The following FBXW11 variants were observed in gnomAD, a reference collection of about 807,000 sequenced individuals.
The protein encoded by FBXW11 is F-box/WD repeat-containing protein 11.
Under a neutral mutation model 77.6 loss-of-function variants are expected in FBXW11, and 19 were observed. The observed-to-expected ratio is 0.24, with a 90% confidence interval of 0.17 to 0.36. The LOEUF (loss-of-function observed/expected upper bound fraction) is 0.36, where lower values mean the gene tolerates loss of function less well. FBXW11 is among the 10% of genes least tolerant of loss of function. The pLI, the probability that FBXW11 is intolerant of heterozygous loss-of-function variation, is 1.00. For missense variants in FBXW11, 334 were observed against 704.2 expected (o/e 0.47, Z 5.95); for synonymous variants, 235 against 249.4 (o/e 0.94, Z 0.54).
chr5:171,866,241 G>A (rs1411534902), intron 13 of FBXW11, among the ~76,000 whole-genome samples: 1 of 151,652 alleles, frequency 6.6e-6, no homozygotes, highest in East Asian at 1.9e-4. Flanking sequence ...CTCCAGCCTG[G>A]GTGACAGAGC....
At position 171,881,414 on chromosome 5, in the gene FBXW11, T is replaced by C. The variant is rs369719584; in HGVS notation, c.853-3285A>G. 3.7e-4 allele frequency among the ~76,000 whole-genome samples: 56 copies of C among 152,370 alleles called. No homozygotes were observed. The East Asian group carries it at 7.1e-3, about 19-fold the overall frequency. On this transcript the variant is annotated intron_variant, in intron 7 of 13. Transcript: ENST00000517395. Reference sequence around the variant, plus strand: ...ATTCATAGTTTACTAAGGGTTTTTATCACGAAAGAGTGTTCAATTTTCTCA... The same window carrying C: ...ATTCATAGTTTACTAAGGGTTTTTACCACGAAAGAGTGTTCAATTTTCTCA...
rs1486719069 is a variant in FBXW11 at position 171,863,555 on chromosome 5, A to G, written c.*572T>C. 1.3e-5 allele frequency: 2 copies of G among 152,632 alleles called. No individual in the cohort carries two copies. The highest frequency in any genetic ancestry group is 2.4e-5 in the African/African-American group (1 of 41,446). 9.5% of individuals were successfully genotyped at this position (152,632 alleles called of 1,614,324 possible). Reference sequence around the variant, plus strand: ...GTACAGAAAGGAAGTATAATCCCAAAAATATTACTAAAACAATCCAGAGAA... The same window carrying G: ...GTACAGAAAGGAAGTATAATCCCAAGAATATTACTAAAACAATCCAGAGAA... On this transcript the variant is annotated 3_prime_UTR_variant, in exon 14 of 14. Coordinates refer to ENST00000517395, the MANE Select transcript of FBXW11 (RefSeq NM_001378974.1).
intron 2 of FBXW11, among the ~76,000 whole-genome samples, chr5:171,952,426 T>C (rs113252873): frequency 3.4e-4 from 5 of 14,704 alleles, no homozygotes; most frequent in African/African-American, 7.9e-4. Flanking sequence ...TACATACATA[T>C]ATATATATAT....
At chr5:171,983,785 C>T (rs2113508574) in intron 1 of FBXW11, among the ~76,000 whole-genome samples, 1 of 152,202 alleles carries the variant, frequency 6.6e-6, no homozygotes, top group East Asian at 1.9e-4. Flanking sequence ...ACCCCCATTA[C>T]CCAGTAATTC....
At chr5:171,936,109 T>TAAAAAA (rs61349170) in intron 2 of FBXW11, among the ~76,000 whole-genome samples, 6 of 59,342 alleles carry the variant, frequency 1.0e-4, no homozygotes, top group Admixed American at 2.1e-4. Context: ...AGACTCCATC[T>TAAAAAA]AAAAAAAAAA....
intron 13 of FBXW11, among the ~76,000 whole-genome samples, chr5:171,865,979 T>C (rs1342262788): frequency 6.6e-6 from 1 of 152,144 alleles, no homozygotes; most frequent in Non-Finnish European, 1.5e-5. Context: ...TGAAAAGCAT[T>C]TGGGGCCGCA....
chr5:171,988,921 A>G (rs1581083513), intron 1 of FBXW11, among the ~76,000 whole-genome samples: 1 of 152,226 alleles, frequency 6.6e-6, no homozygotes, highest in South Asian at 2.1e-4. Flanking sequence ...TCACGCCTGT[A>G]ATCCCAGCAC....
chr5:171,900,767 G>A (rs1453321079), intron 4 of FBXW11, among the ~76,000 whole-genome samples: 2 of 152,030 alleles, frequency 1.3e-5, no homozygotes, highest in Admixed American at 1.3e-4. Context: ...TAAACAGATG[G>A]GACAATCCTC....
intron 1 of FBXW11, among the ~76,000 whole-genome samples, chr5:172,003,964 G>A (rs997192102): frequency 1.3e-5 from 2 of 152,186 alleles, no homozygotes; most frequent in Non-Finnish European, 2.9e-5. Flanking sequence ...AAATATTTGA[G>A]TACTGAAGCT....
chr5:171,891,188 C>G (rs765466250), intron 7 of FBXW11, among the ~76,000 whole-genome samples: 22 of 152,092 alleles, frequency 1.4e-4, no homozygotes, highest in Admixed American at 1.3e-4. Flanking sequence ...GCAAAGTAAT[C>G]AAGAGCCCTG....
At chr5:171,899,223 C>T in intron 5 of FBXW11, 129 bp from the exon 6 acceptor site, 2 of 597,728 alleles carry the variant, frequency 3.3e-6, no homozygotes, top group Admixed American at 7.2e-5. Flanking sequence ...AGTTCAAAAG[C>T]AGGATTTCTG....
chr5:171,864,981 C>T (rs1382511281), intron 13 of FBXW11, among the ~76,000 whole-genome samples: 1 of 144,092 alleles, frequency 6.9e-6, no homozygotes, highest in Non-Finnish European at 1.5e-5. Context: ...AAAAAAAAAG[C>T]AAGAGAGACT....
intron 2 of FBXW11, among the ~76,000 whole-genome samples, chr5:171,917,131 G>A (rs1381106858): frequency 6.6e-6 from 1 of 152,176 alleles, no homozygotes; most frequent in African/African-American, 2.4e-5. Context: ...ATGTTGGCCA[G>A]GATGGTCTCG....
rs181295736 is a variant in FBXW11, at chr5:171,904,766, T to C, written c.437-4666A>G. Among the ~76,000 whole-genome samples the C allele has an allele frequency of 7.4e-4, 112 of 152,146 alleles. 1 individual carries two copies. Among genetic ancestry groups the C allele is most frequent in the African/African-American group, 2.4e-3 (100 of 41,496 alleles). On this transcript the variant is annotated intron_variant, in intron 4 of 13. Coordinates refer to ENST00000517395, the MANE Select transcript of FBXW11 (RefSeq NM_001378974.1). The surrounding 1 kb of genome is among the most constrained non-coding windows in gnomAD (Gnocchi z 4.0). ...TTTGTATTTTTAGTACAGATGGGGT[T>C]TCACCATGTTGGCCAGGATGGTCTT...
chr5:171,925,991 C>T (rs954730320), intron 2 of FBXW11, among the ~76,000 whole-genome samples: 13 of 152,150 alleles, frequency 8.5e-5, no homozygotes. Flanking sequence ...TCTGTACAAT[C>T]TCATCTTTAC....
chr5:171,935,396 A>G (rs183858034), intron 2 of FBXW11, among the ~76,000 whole-genome samples: 4 of 152,290 alleles, frequency 2.6e-5, no homozygotes, highest in African/African-American at 9.6e-5. Context: ...TTATGTCTCA[A>G]TAAAGCTGTT....
At chr5:171,942,833 T>A (rs1366192385) in intron 2 of FBXW11, among the ~76,000 whole-genome samples, 2 of 152,032 alleles carry the variant, frequency 1.3e-5, no homozygotes, top group Non-Finnish European at 2.9e-5. Flanking sequence ...TTAAATTTTT[T>A]AAATTTAATT....
At chr5:171,924,538 G>T (rs1290747864) in intron 2 of FBXW11, among the ~76,000 whole-genome samples, 1 of 152,124 alleles carries the variant, frequency 6.6e-6, no homozygotes, top group African/African-American at 2.4e-5. Flanking sequence ...CCCTCTGGTT[G>T]TGAGCATAAC....
intron 1 of FBXW11, among the ~76,000 whole-genome samples, chr5:172,001,391 G>A (rs544193231): frequency 1.4e-4 from 21 of 152,178 alleles, no homozygotes; most frequent in Non-Finnish European, 2.6e-4. Context: ...TAGAAAAGAG[G>A]ATAGTTAAGA....
Sources: allele counts gnomAD v4.1 joint callset (sites outside exome capture counted in the v4.1 genomes callset), GRCh38; gene constraint gnomAD v4.1.1; non-coding constraint Gnocchi (gnomAD v3.1); transcripts MANE v1.5; gene names NCBI Gene and HGNC (gene_info 2026-07-23, HGNC 2026-07-21).